TAFAZZIN: variants seen among roughly 807,000 people sequenced by gnomAD.
TAFAZZIN encodes the protein protein G4.5.
TAFAZZIN carries 6 observed loss-of-function variants against 27.3 expected under a neutral mutation model. That is an observed-to-expected ratio of 0.22 (90% CI 0.12 to 0.43). The LOEUF (loss-of-function observed/expected upper bound fraction) is 0.43, where lower values mean the gene tolerates loss of function less well. Ranked by LOEUF, TAFAZZIN falls within the 20% of genes least tolerant of loss-of-function variation. The pLI is 1.00. For missense variants in TAFAZZIN, 127 were observed against 244.5 expected (o/e 0.52, Z 3.21); for synonymous variants, 79 against 96.2 (o/e 0.82, Z 1.04).
chrX:154,414,306 T>C (rs2068418034), intron 5 of TAFAZZIN, 116 bp downstream of exon 5: 1 of 529,553 alleles, frequency 1.9e-6, no homozygotes, highest in East Asian at 3.6e-5. Flanking sequence ...TAAGACCCTG[T>C]CTCTTTAAAA....
Position 154,411,855 on chromosome X carries a change from C to A in TAFAZZIN, c.12C>A (p.His4Gln), listed in dbSNP as rs782329160. The A allele has an allele frequency of 1.7e-6, 2 of 1,196,818 alleles. No homozygotes were observed. The highest frequency in any genetic ancestry group is 3.5e-5 in the African/African-American group (2 of 57,335). Reference sequence around the variant, plus strand: ...CGGGCCGGGTGGGGATGCCTCTGCACGTGAAGTGGCCGTTCCCCGCGGTGC... The same window carrying A: ...CGGGCCGGGTGGGGATGCCTCTGCAAGTGAAGTGGCCGTTCCCCGCGGTGC... MPL[H>Q]VKWPFPAVPP... Residue 4 changes from histidine to glutamine, a missense_variant, in exon 1 of 11, where the codon CAC becomes CAA. This residue lies in a region of TAFAZZIN where 17 missense variants were observed against 16.2 expected (regional missense o/e 1.05). Coordinates refer to ENST00000601016, the MANE Select transcript of TAFAZZIN (RefSeq NM_000116.5).
In TAFAZZIN at chrX:154,413,524, C is replaced by T. The variant is rs1569552726; in HGVS notation, c.327C>T (p.His109=). 8.2e-7 allele frequency: 1 copy of T among 1,212,455 alleles called. No individual in the cohort carries two copies. Among genetic ancestry groups the T allele is most frequent in the Non-Finnish European group, 1.1e-6 (1 of 895,655 alleles). The change falls in exon 4 of 11, where the codon CAC becomes CAT. Residue 109 remains histidine, a synonymous_variant. Transcript: ENST00000601016. ...AADICFTKEL[H]SHFFSLGKCV... is the part of the protein sequence containing the mutation. ...ACATCTGCTTCACCAAGGAGCTACACTCCCACTTCTTCAGCTTGGGCAAGT... is the reference window on the plus strand; with the variant it reads ...ACATCTGCTTCACCAAGGAGCTACATTCCCACTTCTTCAGCTTGGGCAAGT...
intron 4 of TAFAZZIN, 169 bp downstream of exon 4, chrX:154,413,736 G>A: frequency 2.0e-6 from 1 of 492,917 alleles, no homozygotes. Context: ...GAGGAGGGAT[G>A]GGTCCTTGGA....
intron 8 of TAFAZZIN, 53 bp downstream of exon 8, chrX:154,420,147 A>T: frequency 2.5e-6 from 3 of 1,207,485 alleles, no homozygotes; most frequent in Non-Finnish European, 3.4e-6. Flanking sequence ...GGGGCCTGGG[A>T]CTCCCTCTGG....
chrX:154,411,868 T>G lies in TAFAZZIN; in HGVS notation c.25T>G (p.Phe9Val). The change falls in exon 1 of 11, where the codon TTC becomes GTC. Residue 9 changes from phenylalanine (F) to valine (V), a missense_variant. By Grantham distance (50) the Phe-to-Val change is conservative. Around this residue, in one of 3 missense-constraint regions of TAFAZZIN, gnomAD observed 17 missense variants for 16.2 expected, o/e 1.05. Coordinates refer to ENST00000601016, the MANE Select transcript of TAFAZZIN (RefSeq NM_000116.5). MPLHVKWP[F>V]PAVPPLTWTL... ...GATGCCTCTGCACGTGAAGTGGCCG[T>G]TCCCCGCGGTGCCGCCGCTCACCTG... The G allele has an allele frequency of 8.3e-7, 1 of 1,201,797 alleles. No individual in the cohort carries two copies. The highest frequency in any genetic ancestry group is 1.1e-6 in the Non-Finnish European group (1 of 892,596).
At chrX:154,412,042 C>G in intron 1 of TAFAZZIN, 44 bp from the exon 2 acceptor site, 1 of 1,208,510 alleles carries the variant, frequency 8.3e-7, no homozygotes, top group East Asian at 3.0e-5. Flanking sequence ...CGGCCCCGAC[C>G]TAGCGGGCGA....
At chrX:154,412,426 G>T in intron 2 of TAFAZZIN, 1 of 486,442 alleles carries the variant, frequency 2.1e-6, no homozygotes, top group Non-Finnish European at 3.4e-6. Flanking sequence ...GCATGGAGCA[G>T]GACCAAGGAA....
In TAFAZZIN at chrX:154,411,831, G is replaced by C. The variant is rs781865190; in HGVS notation, c.-13G>C. The C allele has an allele frequency of 2.6e-6, 3 of 1,173,127 alleles. No homozygotes were observed. In the African/African-American group the frequency reaches 5.3e-5, roughly 21 times the overall value. On this transcript the variant is annotated 5_prime_UTR_variant, in exon 1 of 11. Coordinates refer to ENST00000601016, the MANE Select transcript of TAFAZZIN (RefSeq NM_000116.5). ...CCGGGGCGCTGGGAGCGCCGGCCGC[G>C]GGCCGGGTGGGGATGCCTCTGCACG...
At chrX:154,419,920 A>G in intron 7 of TAFAZZIN, 112 bp from the exon 8 acceptor site, 4 of 1,114,502 alleles carry the variant, frequency 3.6e-6, no homozygotes, top group South Asian at 3.7e-5. Flanking sequence ...GGCTTGCCCA[A>G]GGGAGCTGAA....
In TAFAZZIN at chrX:154,411,891, C is replaced by G. The variant is rs397515743; in HGVS notation, c.48C>G (p.Thr16=). 5 of 1,205,714 alleles carry G rather than the reference C, an allele frequency of 4.1e-6. No homozygotes were observed. In the African/African-American group the frequency reaches 8.7e-5, roughly 21 times the overall value. The change falls in exon 1 of 11, where the codon ACC becomes ACG. Residue 16 remains threonine (T), a synonymous_variant. Transcript: ENST00000601016. The part of the protein sequence containing the change: ...KWPFPAVPPL[T]WTLASSVVMG... ...CGTTCCCCGCGGTGCCGCCGCTCAC[C>G]TGGACCCTGGCCAGCAGCGTCGTCA...
chrX:154,419,053 G>A (rs925158192), intron 5 of TAFAZZIN: 17 of 152,768 alleles, frequency 1.1e-4, no homozygotes, highest in African/African-American at 4.6e-4. Flanking sequence ...CTCCGAGAGC[G>A]GTCGGCTGGC....
chrX:154,419,504 G>A (rs782079900), intron 5 of TAFAZZIN, 39 bp from the exon 6 acceptor site: 24 of 1,196,534 alleles, frequency 2.0e-5, no homozygotes, highest in African/African-American at 1.1e-4. Flanking sequence ...CCACGCCCCC[G>A]AGAATGGTTA....
In TAFAZZIN at chrX:154,411,762, C is replaced by A; in HGVS notation, c.-82C>A. 1.1e-6 allele frequency: 1 copy of A among 930,597 alleles called. No homozygotes were observed. Among genetic ancestry groups the A allele is most frequent in the Middle Eastern group, 3.8e-4 (1 of 2,614 alleles). The allele number at this position is 930,597 out of a possible 1,213,427, so 76.7% of individuals were successfully genotyped here. ...GCGGGCCAGTCAGGGGCCAGTGTCT[C>A]GAGCGGTCGAGGTCGCAGACCTAGA... On this transcript the variant is annotated 5_prime_UTR_variant, in exon 1 of 11. Transcript: ENST00000601016.
At chrX:154,414,519 C>T (rs1459828847) in intron 5 of TAFAZZIN, among the ~76,000 whole-genome samples, 6 of 108,413 alleles carry the variant, frequency 5.5e-5, no homozygotes, top group Admixed American at 3.0e-4. Context: ...GGTGAAACCC[C>T]GTCTCTACTA....
Position 154,419,589 on chromosome X carries a change from C to T in TAFAZZIN, c.507C>T (p.Leu169=), listed in dbSNP as rs782498534. 1.7e-6 allele frequency: 2 copies of T among 1,211,881 alleles called. No individual in the cohort carries two copies. The highest frequency in any genetic ancestry group is 1.1e-6 in the Non-Finnish European group (1 of 895,486). Residue 169 remains leucine, a synonymous_variant, in exon 6 of 11, where the codon CTC becomes CTT. Transcript: ENST00000601016. ...GGATGGACTTCATTTTGGAGAAGCT[C>T]AACCATGGGGACTGGGTGCATATCT... ...QKGMDFILEK[L]NHGDWVHIFP...
Position 154,421,342 on chromosome X carries a change from G to A in TAFAZZIN, c.*338G>A. 2.6e-6 allele frequency: 1 copy of A among 389,828 alleles called. No homozygotes were observed. The highest frequency in any genetic ancestry group is 2.5e-5 in the African/African-American group (1 of 40,768). The allele number at this position is 389,828 out of a possible 1,213,427, so 32.1% of individuals were successfully genotyped here. On this transcript the variant is annotated 3_prime_UTR_variant, in exon 11 of 11. Transcript: ENST00000601016. Reference sequence around the variant, plus strand: ...GGCTAGGGGAGCAGGGGGCCCACCAGAGCTGTGGAGAGGGGACCCTAAGAC... The same window carrying A: ...GGCTAGGGGAGCAGGGGGCCCACCAAAGCTGTGGAGAGGGGACCCTAAGAC...
chrX:154,416,328 C>T (rs1557192975), intron 5 of TAFAZZIN, among the ~76,000 whole-genome samples: 1 of 110,436 alleles, frequency 9.1e-6, no homozygotes, highest in African/African-American at 3.3e-5. Context: ...ACCCGGGAGG[C>T]GGAGCTTGAG....
chrX:154,414,420 C>T (rs1327131748), intron 5 of TAFAZZIN, among the ~76,000 whole-genome samples: 1 of 112,738 alleles, frequency 8.9e-6, no homozygotes, highest in African/African-American at 3.2e-5. Context: ...TGGCTGGGCG[C>T]GGTGGCTCAC....
Position 154,414,189 on chromosome X carries a change from A to G in TAFAZZIN, c.459A>G (p.Lys153=). ...CAGGTGCTGGAAAAAGAAGAGAGAA[A>G]GGTAAGCCAGGCATAGCGGTTCACA... ...HMPGAGKRRE[K]GDGVYQKGMD... Residue 153 remains lysine, a splice_region_variant and synonymous_variant, in exon 5 of 11, where the codon AAA becomes AAG. Transcript: ENST00000601016. 8.3e-7 allele frequency: 1 copy of G among 1,203,651 alleles called. No homozygotes were observed. Among genetic ancestry groups the G allele is most frequent in the Non-Finnish European group, 1.1e-6 (1 of 889,616 alleles).
Sources: allele counts gnomAD v4.1 joint callset (sites outside exome capture counted in the v4.1 genomes callset), GRCh38; gene constraint gnomAD v4.1.1; regional missense constraint gnomAD v4.1.1; transcripts MANE v1.5; gene names NCBI Gene and HGNC (gene_info 2026-07-23, HGNC 2026-07-21).